Variants in ZNF565 observed in about 807,000 individuals in gnomAD.
The protein encoded by ZNF565 is zinc finger protein 565.
A neutral mutation model predicts 39.4 loss-of-function variants in ZNF565; 27 were observed. That is an observed-to-expected ratio of 0.69 (90% CI 0.51 to 0.95). ZNF565 has a LOEUF of 0.95. Among genes scored for constraint, ZNF565 ranks in the 40% least tolerant of loss-of-function variants. ZNF565 has a pLI of 0.00. For synonymous variants in ZNF565, 185 were observed against 216.6 expected (o/e 0.85, Z 1.28); for missense variants, 524 against 621.1 (o/e 0.84, Z 1.66).
intron 1 of ZNF565, among the ~76,000 whole-genome samples, chr19:36,230,578 A>C (rs78989652): frequency 6.6e-6 from 1 of 152,190 alleles, no homozygotes; most frequent in African/African-American, 2.4e-5. Flanking sequence ...GGCGTGCAGC[A>C]TTGGGTGGAA....
intron 1 of ZNF565, among the ~76,000 whole-genome samples, chr19:36,225,577 A>G (rs951915175): frequency 6.6e-6 from 1 of 151,672 alleles, no homozygotes; most frequent in Non-Finnish European, 1.5e-5. Flanking sequence ...CAGCCTGTCA[A>G]GTAGCTGGGA....
chr19:36,235,510 A>G (rs1977613866), intron 1 of ZNF565: 2 of 152,196 alleles, frequency 1.3e-5, no homozygotes, highest in African/African-American at 4.8e-5. Context: ...TAATCTCAAA[A>G]AATTTTATTG....
intron 1 of ZNF565, among the ~76,000 whole-genome samples, chr19:36,244,718 GCA>G (rs2029880305): frequency 2.6e-5 from 4 of 151,978 alleles, no homozygotes; most frequent in African/African-American, 9.7e-5. Flanking sequence ...GGGTGTGGTG[GCA>G]TGCGCCTGTA....
chr19:36,232,786 T>A (rs1296490657), intron 1 of ZNF565, among the ~76,000 whole-genome samples: 1 of 152,102 alleles, frequency 6.6e-6, no homozygotes, highest in African/African-American at 2.4e-5. Flanking sequence ...TTTTTTGTAT[T>A]TTTAGTAGAG....
intron 3 of ZNF565, 33 bp downstream of exon 3, chr19:36,194,997 T>C: frequency 6.2e-7 from 1 of 1,614,088 alleles, no homozygotes; most frequent in Non-Finnish European, 8.5e-7. Context: ...TTGCCTTGCT[T>C]TCCGTCTGGC....
Position 36,182,860 on chromosome 19 carries a change from C to T in ZNF565, c.1106G>A (p.Gly369Glu), listed in dbSNP as rs776839491. 3.1e-6 allele frequency: 5 copies of T among 1,614,022 alleles called. No individual in the cohort carries two copies. In the South Asian group the frequency reaches 5.5e-5, roughly 18 times the overall value. Residue 369 changes from glycine (G) to glutamate (E), a missense_variant, in exon 5 of 5, where the codon GGG (glycine) becomes GAG (glutamate). Gly to Glu is a moderately conservative substitution (Grantham distance 98). Coordinates refer to ENST00000304116, the MANE Select transcript of ZNF565 (RefSeq NM_152477.5). ...GEKPYECKECGKAFRQHAQLT... is the reference protein window; with the variant it reads ...GEKPYECKECEKAFRQHAQLT... Reference sequence around the variant, plus strand: ...CTGTGCGTGCTGTCTGAAGGCCTTCCCACATTCCTTACACTCATAGGGTTT... The same window carrying T: ...CTGTGCGTGCTGTCTGAAGGCCTTCTCACATTCCTTACACTCATAGGGTTT...
chr19:36,203,100 C>T (rs1214236213), intron 1 of ZNF565, among the ~76,000 whole-genome samples: 1 of 151,924 alleles, frequency 6.6e-6, no homozygotes, highest in Admixed American at 6.6e-5. Context: ...TTTGGGAGGC[C>T]AAGGCAGGTG....
chr19:36,212,989 C>A (rs1307473385), intron 1 of ZNF565: 1 of 152,246 alleles, frequency 6.6e-6, no homozygotes, highest in African/African-American at 2.4e-5. Flanking sequence ...ACAACCAGGT[C>A]ATTTTTGAAC....
intron 1 of ZNF565, among the ~76,000 whole-genome samples, chr19:36,230,172 G>A (rs1977265480): frequency 6.6e-6 from 1 of 152,110 alleles, no homozygotes; most frequent in South Asian, 2.1e-4. Context: ...TGGAATACAG[G>A]GTCAAAGTTA....
intron 1 of ZNF565, among the ~76,000 whole-genome samples, chr19:36,234,445 C>T (rs1473944403): frequency 2.0e-5 from 3 of 152,120 alleles, no homozygotes; most frequent in Non-Finnish European, 4.4e-5. Context: ...ATTAGACTAC[C>T]CAGTCTATGT....
At chr19:36,214,864 A>G (rs1976527488), upstream of ZNF565, 1 of 152,624 alleles carries the variant, frequency 6.6e-6, no homozygotes, top group Non-Finnish European at 1.5e-5. Flanking sequence ...GCTTGAAGTC[A>G]TCTGACGCTA....
rs146347872 is a variant in ZNF565, at chr19:36,197,536, G to C, written c.10-2380C>G. ...AGAGAGAAGGAAGTTAGAAAGGAGG[G>C]CAGGCAGGCAGGCAGAAAGACAGAG... is the stretch of plus-strand genomic sequence containing the variant. On this transcript the variant is annotated intron_variant, in intron 2 of 4. Transcript: ENST00000304116. 2.3e-3 allele frequency among the ~76,000 whole-genome samples: 354 copies of C among 151,870 alleles called. 3 individuals carry two copies. Among genetic ancestry groups the C allele is most frequent in the African/African-American group, 8.3e-3 (346 of 41,474 alleles).
At chr19:36,216,021 C>G (rs970036127), upstream of ZNF565, among the ~76,000 whole-genome samples, 1 of 152,082 alleles carries the variant, frequency 6.6e-6, no homozygotes, top group Non-Finnish European at 1.5e-5. Context: ...TCCAAAGATG[C>G]GTTTTCTAAG....
In ZNF565 at chr19:36,245,556, C is replaced by T. The variant is rs2029891820; in HGVS notation, c.-26G>A. The T allele has an allele frequency of 2.8e-6, 2 of 702,210 alleles. No individual in the cohort carries two copies. The highest frequency in any genetic ancestry group is 3.5e-5 in the African/African-American group (2 of 57,260). The allele number at this position is 702,210 out of a possible 1,614,324, so 43.5% of individuals were successfully genotyped here. A position where few individuals can be genotyped will look rare whatever the true frequency, so the allele number is the denominator to read the frequency against. On this transcript the variant is annotated 5_prime_UTR_variant, in exon 1 of 5. Transcript: ENST00000355114. This position sits in a 1 kb window ranked among gnomAD's most constrained non-coding sequence, Gnocchi z 4.4. ...TTAGGTGGTGGCTTGCTCTGGACTA[C>T]ATTTCCCAGGGTCCACCGCGGATCT... is the stretch of plus-strand genomic sequence containing the variant.
rs559529141 is a variant in ZNF565 at position 36,206,940 on chromosome 19, C to T, written c.-65-4890G>A. ...GAGTTTTGGAGGAAGAGAGGGTGGTCTGAGAAGGTGACAGGTAAGCACAGC... is the reference window on the plus strand; with the variant it reads ...GAGTTTTGGAGGAAGAGAGGGTGGTTTGAGAAGGTGACAGGTAAGCACAGC... On this transcript the variant is annotated intron_variant, in intron 1 of 4. Transcript: ENST00000304116. 5.3e-5 allele frequency among the ~76,000 whole-genome samples: 8 copies of T among 152,182 alleles called. No individual in the cohort carries two copies. In the South Asian group the frequency reaches 1.2e-3, roughly 24 times the overall value.
chr19:36,213,183 TCA>T (rs1976429168), intron 1 of ZNF565: 1 of 65,448 alleles, frequency 1.5e-5, no homozygotes, highest in South Asian at 7.9e-4. Flanking sequence ...GCACATACAG[TCA>T]GTGTCACACA....
intron 2 of ZNF565, among the ~76,000 whole-genome samples, chr19:36,200,246 G>A (rs1469553768): frequency 6.6e-6 from 1 of 151,674 alleles, no homozygotes; most frequent in East Asian, 1.9e-4. Context: ...GGCTGGTCTC[G>A]AACTCCTGAC....
chr19:36,210,726 G>T (rs1976324552), intron 1 of ZNF565, among the ~76,000 whole-genome samples: 1 of 151,300 alleles, frequency 6.6e-6, no homozygotes, highest in Admixed American at 6.6e-5. Context: ...CCGGGCTCAA[G>T]CAATCCTCCC....
At chr19:36,212,792 C>G (rs908421469) in intron 1 of ZNF565, among the ~76,000 whole-genome samples, 2 of 152,070 alleles carry the variant, frequency 1.3e-5, no homozygotes, top group African/African-American at 2.4e-5. Flanking sequence ...ACTCCTATGG[C>G]AAATACTGGA....
Sources: allele counts gnomAD v4.1 joint callset (sites outside exome capture counted in the v4.1 genomes callset), GRCh38; gene constraint gnomAD v4.1.1; non-coding constraint Gnocchi (gnomAD v3.1); transcripts MANE v1.5; gene names NCBI Gene and HGNC (gene_info 2026-07-23, HGNC 2026-07-21).